The following CYRIA variants were observed in gnomAD, a reference collection of about 807,000 sequenced individuals.
CYRIA encodes CYFIP-related Rac1 interactor A.
A neutral mutation model predicts 43.9 loss-of-function variants in CYRIA; 15 were observed. The observed-to-expected ratio is 0.34, with a 90% confidence interval of 0.23 to 0.53. The LOEUF (loss-of-function observed/expected upper bound fraction) is 0.53, where lower values mean the gene tolerates loss of function less well. Among genes scored for constraint, CYRIA ranks in the 20% least tolerant of loss-of-function variants. The probability of loss-of-function intolerance (pLI) is 0.94; values close to 1 mark genes in which losing one functional copy is unlikely to be tolerated. For synonymous variants in CYRIA, 117 were observed against 136.0 expected, an observed-to-expected ratio of 0.86 and a Z score of 0.97; for missense variants, 236 against 394.2, an observed-to-expected ratio of 0.60 and a Z score of 3.40.
At chr2:16,623,545 G>A (rs1572184103) in intron 2 of CYRIA, among the ~76,000 whole-genome samples, 1 of 152,148 alleles carries the variant, frequency 6.6e-6, no homozygotes, top group East Asian at 1.9e-4. Flanking sequence ...TCCTCCTACT[G>A]TCTAAATCTA....
At chr2:16,566,899 G>C (rs971740588) in intron 3 of CYRIA, among the ~76,000 whole-genome samples, 1 of 152,168 alleles carries the variant, frequency 6.6e-6, no homozygotes, top group Admixed American at 6.5e-5. Flanking sequence ...CTCATGGAGA[G>C]GGGACAGATG....
chr2:16,609,025 G>A (rs928869147), intron 2 of CYRIA, among the ~76,000 whole-genome samples: 2 of 152,166 alleles, frequency 1.3e-5, no homozygotes, highest in African/African-American at 4.8e-5. Context: ...AAAAAACACA[G>A]AGCATTGTGG....
intron 1 of CYRIA, among the ~76,000 whole-genome samples, chr2:16,655,779 T>C (rs993750725): frequency 2.6e-5 from 4 of 152,344 alleles, no homozygotes; most frequent in African/African-American, 9.6e-5. Flanking sequence ...TTGGTCTTTT[T>C]TTTTTAAACC....
At chr2:16,660,020 A>G (rs1475806319) in intron 1 of CYRIA, among the ~76,000 whole-genome samples, 2 of 152,080 alleles carry the variant, frequency 1.3e-5, no homozygotes, top group Non-Finnish European at 2.9e-5. Flanking sequence ...CTTTCTGGGA[A>G]GGAAAACAGG....
At chr2:16,622,484 G>GA (rs1175444361) in intron 2 of CYRIA, among the ~76,000 whole-genome samples, 1 of 152,178 alleles carries the variant, frequency 6.6e-6, no homozygotes, top group African/African-American at 2.4e-5. Context: ...CCAGATATGG[G>GA]ATCAAAGCTA....
intron 3 of CYRIA, among the ~76,000 whole-genome samples, chr2:16,578,240 C>T (rs1667420241): frequency 6.6e-6 from 1 of 152,192 alleles, no homozygotes; most frequent in Admixed American, 6.5e-5. Context: ...TGGATGGACT[C>T]AACCCCACTA....
At chr2:16,634,415 A>G (rs1669430435) in intron 1 of CYRIA, among the ~76,000 whole-genome samples, 1 of 152,178 alleles carries the variant, frequency 6.6e-6, no homozygotes, top group Non-Finnish European at 1.5e-5. Flanking sequence ...AAGTAACAGC[A>G]TCTAGTCCCT....
chr2:16,552,809 T>C lies in CYRIA; in HGVS notation c.*127A>G, dbSNP rs542891822. The C allele has an allele frequency of 5.1e-5, 34 of 664,094 alleles. No individual in the cohort carries two copies. The East Asian group carries it at 9.2e-4, about 18-fold the overall frequency. 41.1% of individuals were successfully genotyped at this position (664,094 alleles called of 1,614,324 possible). A position where few individuals can be genotyped will look rare whatever the true frequency, so the allele number is the denominator to read the frequency against. On this transcript the variant is annotated 3_prime_UTR_variant, in exon 12 of 12. Coordinates refer to ENST00000381323, the MANE Select transcript of CYRIA (RefSeq NM_030797.4). ...CAGTCAGGATACAAATTAAGGTCCA[T>C]ATATTTCAGTGACAAGAAGGAAACG...
At chr2:16,662,161 C>T (rs923684217) in intron 1 of CYRIA, among the ~76,000 whole-genome samples, 2 of 152,116 alleles carry the variant, frequency 1.3e-5, no homozygotes, top group African/African-American at 4.8e-5. Context: ...AATTAACCAG[C>T]AGTGCTAGGA....
intron 5 of CYRIA, among the ~76,000 whole-genome samples, chr2:16,563,321 G>A (rs370322045): frequency 2.0e-5 from 3 of 152,014 alleles, no homozygotes; most frequent in East Asian, 3.9e-4. Context: ...TTAACATCAC[G>A]GTCATTACTC....
intron 10 of CYRIA, among the ~76,000 whole-genome samples, chr2:16,558,723 C>T (rs1666617601): frequency 6.6e-6 from 1 of 152,116 alleles, no homozygotes; most frequent in African/African-American, 2.4e-5. Context: ...GAGTTCCACC[C>T]ACTATGTGCC....
intron 11 of CYRIA, among the ~76,000 whole-genome samples, chr2:16,554,667 A>G (rs1666441431): frequency 6.6e-6 from 1 of 152,156 alleles, no homozygotes; most frequent in Admixed American, 6.5e-5. Flanking sequence ...AAAGGTACCC[A>G]CATAATCCTC....
intron 2 of CYRIA, among the ~76,000 whole-genome samples, chr2:16,601,527 G>A (rs766854536): frequency 4.6e-5 from 7 of 152,180 alleles, no homozygotes; most frequent in East Asian, 1.9e-4. Context: ...CTGCCTGCAC[G>A]CCCTTGCCAA....
At chr2:16,606,938 T>G (rs1306714942) in intron 2 of CYRIA, among the ~76,000 whole-genome samples, 1 of 151,730 alleles carries the variant, frequency 6.6e-6, no homozygotes, top group African/African-American at 2.4e-5. Context: ...CAGGGGGATA[T>G]AAAAAATTAT....
chr2:16,614,488 C>G (rs1480231476), intron 2 of CYRIA, among the ~76,000 whole-genome samples: 1 of 152,256 alleles, frequency 6.6e-6, no homozygotes. Context: ...GGTTCCCAGG[C>G]TGCTGTCTGT....
intron 2 of CYRIA, among the ~76,000 whole-genome samples, chr2:16,605,338 C>T (rs1385452099): frequency 6.6e-6 from 1 of 152,152 alleles, no homozygotes; most frequent in Non-Finnish European, 1.5e-5. Context: ...TCAATGTGTC[C>T]CCCACTTTCA....
At chr2:16,646,349 A>G (rs1669820339) in intron 1 of CYRIA, among the ~76,000 whole-genome samples, 1 of 152,210 alleles carries the variant, frequency 6.6e-6, no homozygotes, top group South Asian at 2.1e-4. Context: ...GCACATTTTG[A>G]AAATCCCTTA....
intron 4 of CYRIA, among the ~76,000 whole-genome samples, chr2:16,565,175 CTTTT>C (rs367672971): frequency 1.4e-5 from 2 of 139,658 alleles, no homozygotes; most frequent in Non-Finnish European, 1.6e-5. Context: ...GATTCATGCT[CTTTT>C]TTTTTTTTTT....
chr2:16,587,354 C>A (rs752602669), intron 3 of CYRIA, among the ~76,000 whole-genome samples: 1 of 152,026 alleles, frequency 6.6e-6, no homozygotes, highest in African/African-American at 2.4e-5. Context: ...TTCTTCACAT[C>A]TTTTTTCCTT....
Sources: allele counts gnomAD v4.1 joint callset (sites outside exome capture counted in the v4.1 genomes callset), GRCh38; gene constraint gnomAD v4.1.1; transcripts MANE v1.5; gene names NCBI Gene and HGNC (gene_info 2026-07-23, HGNC 2026-07-21).